Variants in RNF144B observed in about 807,000 individuals in gnomAD.
The protein encoded by RNF144B is ring finger protein 144B, also known as E3 ubiquitin-protein ligase RNF144B.
Under a neutral mutation model 40.2 loss-of-function variants are expected in RNF144B, and 25 were observed. The observed-to-expected ratio is 0.62, with a 90% CI of 0.45 to 0.87. The LOEUF is 0.87. Ranked by LOEUF, RNF144B falls within the 40% of genes least tolerant of loss-of-function variation. The pLI is 0.00. For missense variants in RNF144B, 365 were observed against 373.7 expected (o/e 0.98, Z 0.19); for synonymous variants, 145 against 136.3 (o/e 1.06, Z -0.44).
At chr6:18,435,093 T>C (rs1758787784) in intron 3 of RNF144B, among the ~76,000 whole-genome samples, 1 of 152,228 alleles carries the variant, frequency 6.6e-6, no homozygotes, top group Non-Finnish European at 1.5e-5. Context: ...AGTTTGGGTG[T>C]TTTCCCCCAC....
intron 3 of RNF144B, among the ~76,000 whole-genome samples, chr6:18,432,581 C>T (rs1758718220): frequency 6.6e-6 from 1 of 152,140 alleles, no homozygotes; most frequent in African/African-American, 2.4e-5. Flanking sequence ...AAGTTAGTAG[C>T]CCTGTTAAAA....
At chr6:18,421,317 T>C (rs540634146) in intron 2 of RNF144B, among the ~76,000 whole-genome samples, 7,473 of 131,164 alleles carry the variant, frequency 0.057, 215 homozygotes, top group Non-Finnish European at 0.074. Flanking sequence ...CACACACACA[T>C]ATATATAAAA....
At chr6:18,437,048 T>G (rs1758839303) in intron 3 of RNF144B, among the ~76,000 whole-genome samples, 1 of 152,164 alleles carries the variant, frequency 6.6e-6, no homozygotes, top group Non-Finnish European at 1.5e-5. Flanking sequence ...TCTAAGTAAT[T>G]TCAGCCTCTT....
Position 18,398,862 on chromosome 6 carries a change from A to G in RNF144B, c.-36-637A>G, listed in dbSNP as rs1794740984. Among the ~76,000 whole-genome samples, 1 of 152,212 alleles carries G rather than the reference A, an allele frequency of 6.6e-6. No homozygotes were observed. Among genetic ancestry groups the G allele is most frequent in the African/African-American group, 2.4e-5 (1 of 41,448 alleles). On this transcript the variant is annotated intron_variant, in intron 1 of 7. Transcript: ENST00000259939. This position sits in a 1 kb window ranked among gnomAD's most constrained non-coding sequence, Gnocchi z 5.0. ...GTTACCTCTTTGTTTAACTTTTTGAATGACATTCTATTTTAAGTACTTTTT... is the reference window on the plus strand; with the variant it reads ...GTTACCTCTTTGTTTAACTTTTTGAGTGACATTCTATTTTAAGTACTTTTT...
intron 2 of RNF144B, among the ~76,000 whole-genome samples, chr6:18,401,134 C>T (rs1160048406): frequency 6.7e-6 from 1 of 150,322 alleles, no homozygotes; most frequent in Non-Finnish European, 1.5e-5. Flanking sequence ...AGGGTTACTG[C>T]TGTTTAAAAG....
At position 18,447,102 on chromosome 6, in the gene RNF144B, G is replaced by T. The variant is rs764348807; in HGVS notation, c.331+7358G>T. On this transcript the variant is annotated intron_variant, in intron 4 of 7. Transcript: ENST00000259939. The surrounding 1 kb of genome is among the most constrained non-coding windows in gnomAD (Gnocchi z 5.6). ...TAAATAAATAATATTAGATGGTGGGGGTATATCCTTTTATATAAATAAGGG... is the reference window on the plus strand; with the variant it reads ...TAAATAAATAATATTAGATGGTGGGTGTATATCCTTTTATATAAATAAGGG... 5.0e-4 allele frequency among the ~76,000 whole-genome samples: 76 copies of T among 152,048 alleles called. No individual in the cohort carries two copies. Among genetic ancestry groups the T allele is most frequent in the Admixed American group, 1.1e-3 (17 of 15,238 alleles).
At position 18,416,818 on chromosome 6, in the gene RNF144B, T is replaced by C. The variant is rs1223649564; in HGVS notation, c.166-10763T>C. The stretch of plus-strand genomic sequence containing the variant: ...ATAAAAGTATCTTCCCTGATTAGAA[T>C]GGAGGGCATGGGTGGTACTGAACTA... On this transcript the variant is annotated intron_variant, in intron 2 of 7. Transcript: ENST00000259939. This position sits in a 1 kb window ranked among gnomAD's most constrained non-coding sequence, Gnocchi z 5.5. Among the ~76,000 whole-genome samples, 1 of 152,156 alleles carries C rather than the reference T, an allele frequency of 6.6e-6. No individual in the cohort carries two copies. The highest frequency in any genetic ancestry group is 1.5e-5 in the Non-Finnish European group (1 of 68,026).
chr6:18,418,089 G>C lies in RNF144B; in HGVS notation c.166-9492G>C, dbSNP rs1002965215. Among the ~76,000 whole-genome samples the C allele has an allele frequency of 6.6e-6, 1 of 152,140 alleles. No homozygotes were observed. Among genetic ancestry groups the C allele is most frequent in the South Asian group, 2.1e-4 (1 of 4,834 alleles). ...TAATAAAAAAGACAGAAAATAACGA[G>C]TTTTGATGAGAATTTAAAGAAGTTG... is the stretch of plus-strand genomic sequence containing the variant. On this transcript the variant is annotated intron_variant, in intron 2 of 7. Coordinates refer to ENST00000259939, the MANE Select transcript of RNF144B (RefSeq NM_182757.4). This position sits in a 1 kb window ranked among gnomAD's most constrained non-coding sequence, Gnocchi z 5.2.
chr6:18,418,557 G>C lies in RNF144B; in HGVS notation c.166-9024G>C, dbSNP rs529591742. On this transcript the variant is annotated intron_variant, in intron 2 of 7. Coordinates refer to ENST00000259939, the MANE Select transcript of RNF144B (RefSeq NM_182757.4). This position sits in a 1 kb window ranked among gnomAD's most constrained non-coding sequence, Gnocchi z 5.2. ...GAAAGTCAAATGGTGGTTCCCTAGG[G>C]CTGTGCATGGAGGATCTGGGGGAGA... Among the ~76,000 whole-genome samples, 2 of 152,250 alleles carry C rather than the reference G, an allele frequency of 1.3e-5. No homozygotes were observed. Among genetic ancestry groups the C allele is most frequent in the Admixed American group, 6.5e-5 (1 of 15,296 alleles).
At chr6:18,437,819 T>C (rs977326822) in intron 3 of RNF144B, among the ~76,000 whole-genome samples, 42 of 152,358 alleles carry the variant, frequency 2.8e-4, no homozygotes, top group African/African-American at 9.4e-4. Flanking sequence ...ATTTCATCTG[T>C]ATCTAAAACA....
chr6:18,455,830 T>A (rs1456796631), intron 4 of RNF144B, among the ~76,000 whole-genome samples: 2 of 152,224 alleles, frequency 1.3e-5, no homozygotes, highest in Non-Finnish European at 2.9e-5. Context: ...CAATGTGTTA[T>A]GACTAGCTAT....
intron 1 of RNF144B, chr6:18,396,355 A>C: frequency 1.1e-6 from 1 of 938,744 alleles, no homozygotes; most frequent in Non-Finnish European, 1.3e-6. Context: ...GAGGTATCCC[A>C]ATTATGTCTT....
At chr6:18,397,036 T>A (rs905629684) in intron 1 of RNF144B, among the ~76,000 whole-genome samples, 3 of 152,200 alleles carry the variant, frequency 2.0e-5, no homozygotes, top group Non-Finnish European at 4.4e-5. Context: ...TAACCATTAG[T>A]TAGCTTCCTA....
chr6:18,417,484 A>G (rs1391160990), intron 2 of RNF144B, among the ~76,000 whole-genome samples: 2 of 152,320 alleles, frequency 1.3e-5, no homozygotes, highest in East Asian at 1.9e-4. Context: ...GAGGAAAGAA[A>G]TGTTTTTCAG....
chr6:18,396,628 G>A, intron 1 of RNF144B: 1 of 985,208 alleles, frequency 1.0e-6, no homozygotes, highest in Non-Finnish European at 1.2e-6. Flanking sequence ...GTTTCTTCTT[G>A]TTGTTTTACT....
Position 18,404,173 on chromosome 6 carries a change from A to G in RNF144B, c.165+4474A>G, listed in dbSNP as rs922663563. Among the ~76,000 whole-genome samples, 5 of 152,372 alleles carry G rather than the reference A, an allele frequency of 3.3e-5. No individual in the cohort carries two copies. In the East Asian group the frequency reaches 9.6e-4, roughly 29 times the overall value. ...GCACACACAGTTTGGTAACTTTCAA[A>G]TGAAGCATGAATCTGTGGTGGATCT... On this transcript the variant is annotated intron_variant, in intron 2 of 7. Coordinates refer to ENST00000259939, the MANE Select transcript of RNF144B (RefSeq NM_182757.4).
intron 2 of RNF144B, among the ~76,000 whole-genome samples, chr6:18,404,854 G>C (rs928781258): frequency 6.6e-6 from 1 of 152,062 alleles, no homozygotes; most frequent in Non-Finnish European, 1.5e-5. Flanking sequence ...TTACTTGTTG[G>C]CTTGATATGT....
chr6:18,434,450 T>C lies in RNF144B; in HGVS notation c.271-5234T>C, dbSNP rs1230182959. Among the ~76,000 whole-genome samples the C allele has an allele frequency of 6.6e-6, 1 of 152,190 alleles. No individual in the cohort carries two copies. Among genetic ancestry groups the C allele is most frequent in the African/African-American group, 2.4e-5 (1 of 41,430 alleles). On this transcript the variant is annotated intron_variant, in intron 3 of 7. Coordinates refer to ENST00000259939, the MANE Select transcript of RNF144B (RefSeq NM_182757.4). This position sits in a 1 kb window ranked among gnomAD's most constrained non-coding sequence, Gnocchi z 4.1. ...GTTAATACTGATTAACAGGTGTGCC[T>C]CACTTTTCATTTCTTCTTGGTTGTG...
rs192592505 is a variant in RNF144B, at chr6:18,457,583, G to A, written c.536+224G>A. Among the ~76,000 whole-genome samples the A allele has an allele frequency of 4.1e-4, 62 of 152,280 alleles. No individual in the cohort carries two copies. Among genetic ancestry groups the A allele is most frequent in the Admixed American group, 2.2e-3 (33 of 15,300 alleles). Reference sequence around the variant, plus strand: ...CCAGATATTGCTGGAATTAAAGTTTGTATGAGTTTTGCTTTCTCTTTAGGT... The same window carrying A: ...CCAGATATTGCTGGAATTAAAGTTTATATGAGTTTTGCTTTCTCTTTAGGT... On this transcript the variant is annotated intron_variant, in intron 5 of 7. Transcript: ENST00000259939. This position sits in a 1 kb window ranked among gnomAD's most constrained non-coding sequence, Gnocchi z 5.1.
Sources: gnomAD v4.1 joint callset for allele counts (sites outside exome capture counted in the v4.1 genomes callset) on GRCh38, gnomAD v4.1.1 for gene constraint, Gnocchi (gnomAD v3.1) non-coding constraint, MANE v1.5 for transcripts, NCBI Gene and HGNC (gene_info 2026-07-23, HGNC 2026-07-21) for gene names.